FUCA2: variants seen among roughly 807,000 people sequenced by gnomAD.
The protein encoded by FUCA2 is alpha-L-fucosidase 2, also known as plasma alpha-L-fucosidase.
Under a neutral mutation model 52.6 loss-of-function variants are expected in FUCA2, and 41 were observed. The observed-to-expected ratio is 0.78, with a 90% CI of 0.61 to 1.01. The LOEUF (loss-of-function observed/expected upper bound fraction) is 1.01, where lower values mean the gene tolerates loss of function less well. Ranked by LOEUF, FUCA2 falls within the 50% of genes least tolerant of loss-of-function variation. The pLI is 0.00. For synonymous variants in FUCA2, 211 were observed against 217.3 expected (o/e 0.97, Z 0.26); for missense variants, 507 against 569.5 (o/e 0.89, Z 1.12).
At position 143,502,374 on chromosome 6, in the gene FUCA2, G is replaced by T; in HGVS notation, c.944C>A (p.Thr315Lys). 6.2e-7 allele frequency: 1 copy of T among 1,613,896 alleles called. No homozygotes were observed. Among genetic ancestry groups the T allele is most frequent in the East Asian group, 2.2e-5 (1 of 44,880 alleles). ...CTGTACCTTCACCAATTCTTCAATT[G>T]TAAGATAGTCAGAGATTCCAGCTTC... ...RREAGISDYLTIEELVKQLVE... is the reference protein window; with the variant it reads ...RREAGISDYLKIEELVKQLVE... The change falls in exon 4 of 7, where the codon ACA (threonine) becomes AAA (lysine). Residue 315 changes from threonine to lysine, a missense_variant. Transcript: ENST00000002165. The surrounding 1 kb of genome is among the most constrained non-coding windows in gnomAD (Gnocchi z 4.1).
rs781300494 is a variant in FUCA2, at chr6:143,504,261, T to C, written c.413-9A>G. ...CCCCCACAAGGTAAAGCCTAGAAAA[T>C]TATAGTGAAAACCCTTGTAAGCATG... On this transcript the variant is annotated splice_polypyrimidine_tract_variant and intron_variant, in intron 2 of 6. Transcript: ENST00000002165. The surrounding 1 kb of genome is among the most constrained non-coding windows in gnomAD (Gnocchi z 4.4). 1 of 1,599,630 alleles carries C rather than the reference T, an allele frequency of 6.3e-7. No homozygotes were observed. Among genetic ancestry groups the C allele is most frequent in the Non-Finnish European group, 8.5e-7 (1 of 1,174,042 alleles).
rs1195882933 is a variant in FUCA2 at position 143,502,423 on chromosome 6, T to G, written c.895A>C (p.Lys299Gln). The change falls in exon 4 of 7, where the codon AAA becomes CAA. Residue 299 changes from lysine to glutamine, a missense_variant. Coordinates refer to ENST00000002165, the MANE Select transcript of FUCA2 (RefSeq NM_032020.5). This position sits in a 1 kb window ranked among gnomAD's most constrained non-coding sequence, Gnocchi z 4.1. ...TCCCTCCTATAGCCCCAGGACAGTT[T>G]GTCTATTGTCATGCAGTTTTCCCAT... is the stretch of plus-strand genomic sequence containing the variant. ...HKWENCMTID[K>Q]LSWGYRREAG... The G allele has an allele frequency of 6.2e-7, 1 of 1,614,092 alleles. No individual in the cohort carries two copies. Among genetic ancestry groups the G allele is most frequent in the Middle Eastern group, 1.7e-4 (1 of 6,060 alleles).
chr6:143,502,269 G>A lies in FUCA2; in HGVS notation c.963+86C>T. 1 of 1,406,966 alleles carries A rather than the reference G, an allele frequency of 7.1e-7. No homozygotes were observed. Among genetic ancestry groups the A allele is most frequent in the Non-Finnish European group, 9.8e-7 (1 of 1,017,382 alleles). 87.2% of individuals were successfully genotyped at this position (1,406,966 alleles called of 1,614,324 possible). The stretch of plus-strand genomic sequence containing the variant: ...GATAGAACAATGTCCTATATTTATA[G>A]GCCATTGAGCCATAGAAGAAATAAT... On this transcript the variant is annotated intron_variant, in intron 4 of 6. Transcript: ENST00000002165. This position sits in a 1 kb window ranked among gnomAD's most constrained non-coding sequence, Gnocchi z 4.1.
chr6:143,504,162 G>T lies in FUCA2; in HGVS notation c.503C>A (p.Ala168Asp), dbSNP rs1435031868. Residue 168 changes from alanine (A) to aspartate (D), a missense_variant, in exon 3 of 7, where the codon GCC becomes GAC. Ala to Asp is a moderately radical substitution (Grantham distance 126). Coordinates refer to ENST00000002165, the MANE Select transcript of FUCA2 (RefSeq NM_032020.5). The surrounding 1 kb of genome is among the most constrained non-coding windows in gnomAD (Gnocchi z 4.4). ...ACGCAGGTCAGTTCTGTTCCTAATGGCTACCTCAAGTTCCTTGACAATGTC... is the reference window on the plus strand; with the variant it reads ...ACGCAGGTCAGTTCTGTTCCTAATGTCTACCTCAAGTTCCTTGACAATGTC... ...KRDIVKELEV[A>D]IRNRTDLRFG... 2 of 1,614,014 alleles carry T rather than the reference G, an allele frequency of 1.2e-6. No homozygotes were observed. Among genetic ancestry groups the T allele is most frequent in the Non-Finnish European group, 1.7e-6 (2 of 1,180,012 alleles).
rs1035525458 is a variant in FUCA2 at position 143,501,593 on chromosome 6, G to A, written c.1154+339C>T. ...TGCAAAAGTCAGAATTTACCGAACT[G>A]GTTAAACAGTAATCTCCGTTTTAGA... On this transcript the variant is annotated intron_variant, in intron 5 of 6. Coordinates refer to ENST00000002165, the MANE Select transcript of FUCA2 (RefSeq NM_032020.5). The surrounding 1 kb of genome is among the most constrained non-coding windows in gnomAD (Gnocchi z 6.1). 2.6e-5 allele frequency among the ~76,000 whole-genome samples: 4 copies of A among 152,082 alleles called. No homozygotes were observed. Among genetic ancestry groups the A allele is most frequent in the African/African-American group, 9.7e-5 (4 of 41,380 alleles).
chr6:143,504,051 G>T lies in FUCA2; in HGVS notation c.614C>A (p.Pro205Gln). ...GAGCTCTGGCAATGTCTTAGAAACT[G>T]GAAATTGCCGCTTATGGAATGAACT... ...ESSSFHKRQF[P>Q]VSKTLPELYE... The change falls in exon 3 of 7, where the codon CCA becomes CAA. Residue 205 changes from proline to glutamine, a missense_variant. Coordinates refer to ENST00000002165, the MANE Select transcript of FUCA2 (RefSeq NM_032020.5). The surrounding 1 kb of genome is among the most constrained non-coding windows in gnomAD (Gnocchi z 4.4). 1 of 1,614,106 alleles carries T rather than the reference G, an allele frequency of 6.2e-7. No individual in the cohort carries two copies.
chr6:143,504,294 T>C lies in FUCA2; in HGVS notation c.413-42A>G. 2.6e-6 allele frequency: 4 copies of C among 1,525,558 alleles called. No individual in the cohort carries two copies. Among genetic ancestry groups the C allele is most frequent in the Non-Finnish European group, 3.6e-6 (4 of 1,124,574 alleles). The allele number at this position is 1,525,558 out of a possible 1,614,324, so 94.5% of individuals were successfully genotyped here. A position where few individuals can be genotyped will look rare whatever the true frequency, so the allele number is the denominator to read the frequency against. Reference sequence around the variant, plus strand: ...AAAACCCTTGTAAGCATGTCAACTTTATTTTAGTAAATTTCAACCCACACA... The same window carrying C: ...AAAACCCTTGTAAGCATGTCAACTTCATTTTAGTAAATTTCAACCCACACA... On this transcript the variant is annotated intron_variant, in intron 2 of 6. Transcript: ENST00000002165. The surrounding 1 kb of genome is among the most constrained non-coding windows in gnomAD (Gnocchi z 4.4).
At position 143,507,510 on chromosome 6, in the gene FUCA2, CT is replaced by C. The variant is rs1378996986; in HGVS notation, c.225-87del. 2 of 950,638 alleles carry C rather than the reference CT, an allele frequency of 2.1e-6. No homozygotes were observed. The highest frequency in any genetic ancestry group is 5.7e-5 in the Admixed American group (2 of 34,832). 58.9% of individuals were successfully genotyped at this position (950,638 alleles called of 1,614,324 possible). A position where few individuals can be genotyped will look rare whatever the true frequency, so the allele number is the denominator to read the frequency against. ...CTCCAGCTCCCCTTACCATTTACCC[CT>C]CACACAGATAGGACCCAGATTCTCT... is the stretch of plus-strand genomic sequence containing the variant. On this transcript the variant is annotated intron_variant, in intron 1 of 6. Transcript: ENST00000002165. The surrounding 1 kb of genome is among the most constrained non-coding windows in gnomAD (Gnocchi z 4.5).
chr6:143,510,014 A>C lies in FUCA2; in HGVS notation c.224+1397T>G, dbSNP rs1780661426. ...AAGATGAAATTCCAGTATGAAAGGCACTCTGTACTAGAAGGAAAGGCAACA... is the reference window on the plus strand; with the variant it reads ...AAGATGAAATTCCAGTATGAAAGGCCCTCTGTACTAGAAGGAAAGGCAACA... On this transcript the variant is annotated intron_variant, in intron 1 of 6. Coordinates refer to ENST00000002165, the MANE Select transcript of FUCA2 (RefSeq NM_032020.5). The surrounding 1 kb of genome is among the most constrained non-coding windows in gnomAD (Gnocchi z 4.4). Among the ~76,000 whole-genome samples the C allele has an allele frequency of 1.3e-5, 2 of 152,198 alleles. No homozygotes were observed. The highest frequency in any genetic ancestry group is 4.1e-4 in the South Asian group (2 of 4,838).
In FUCA2 at chr6:143,510,801, C is replaced by G. The variant is rs944026205; in HGVS notation, c.224+610G>C. On this transcript the variant is annotated intron_variant, in intron 1 of 6. Transcript: ENST00000002165. The surrounding 1 kb of genome is among the most constrained non-coding windows in gnomAD (Gnocchi z 4.4). ...TTTCACATAGATCTCAAGGTAAAAT[C>G]TAACGCACAGATTTTTGTGTAGCAC... is the stretch of plus-strand genomic sequence containing the variant. Among the ~76,000 whole-genome samples, 10 of 152,114 alleles carry G rather than the reference C, an allele frequency of 6.6e-5. No individual in the cohort carries two copies. The highest frequency in any genetic ancestry group is 2.2e-4 in the African/African-American group (9 of 41,414).
At position 143,504,004 on chromosome 6, in the gene FUCA2, G is replaced by A. The variant is rs758119266; in HGVS notation, c.661C>T (p.Gln221Ter). 11 of 1,614,170 alleles carry A rather than the reference G, an allele frequency of 6.8e-6. No homozygotes were observed. Among genetic ancestry groups the A allele is most frequent in the Non-Finnish European group, 7.6e-6 (9 of 1,180,014 alleles). Reference sequence around the variant, plus strand: ...CCATCCGACCACAGAACCTCAGGCTGATAGTTGTTCACTAACTCATAGAGC... The same window carrying A: ...CCATCCGACCACAGAACCTCAGGCTAATAGTTGTTCACTAACTCATAGAGC... ...PELYELVNNY[Q>*]PEVLWSDGDG... The change falls in exon 3 of 7, where the codon CAG (glutamine) becomes TAG (stop). Residue 221 changes from glutamine (Q) to a stop codon, truncating the protein, a stop_gained. Transcript: ENST00000002165. LOFTEE classifies it high-confidence loss of function. This position sits in a 1 kb window ranked among gnomAD's most constrained non-coding sequence, Gnocchi z 4.4.
Position 143,500,757 on chromosome 6 carries a change from G to T in FUCA2, c.1154+1175C>A, listed in dbSNP as rs1418231751. On this transcript the variant is annotated intron_variant, in intron 5 of 6. Coordinates refer to ENST00000002165, the MANE Select transcript of FUCA2 (RefSeq NM_032020.5). This position sits in a 1 kb window ranked among gnomAD's most constrained non-coding sequence, Gnocchi z 6.9. ...TGTGAATAAAAATTTAAATCTCTAAGAATTATGTGAAGAGTAGTTCTGGGG... is the reference window on the plus strand; with the variant it reads ...TGTGAATAAAAATTTAAATCTCTAATAATTATGTGAAGAGTAGTTCTGGGG... Among the ~76,000 whole-genome samples, 1 of 152,174 alleles carries T rather than the reference G, an allele frequency of 6.6e-6. No homozygotes were observed. Among genetic ancestry groups the T allele is most frequent in the East Asian group, 1.9e-4 (1 of 5,192 alleles).
chr6:143,507,471 A>G lies in FUCA2; in HGVS notation c.225-47T>C, dbSNP rs750511988. On this transcript the variant is annotated intron_variant, in intron 1 of 6. Transcript: ENST00000002165. This position sits in a 1 kb window ranked among gnomAD's most constrained non-coding sequence, Gnocchi z 4.5. The stretch of plus-strand genomic sequence containing the variant: ...GTGCATAAACAGCACATACACACAT[A>G]TTTAAAAGAACTGCTCCAGCTCCCC... 2.2e-5 allele frequency: 30 copies of G among 1,360,412 alleles called. No homozygotes were observed. The highest frequency in any genetic ancestry group is 2.8e-5 in the Non-Finnish European group (28 of 1,008,742). The allele number at this position is 1,360,412 out of a possible 1,614,324, so 84.3% of individuals were successfully genotyped here.
In FUCA2 at chr6:143,501,904, AG is replaced by A; in HGVS notation, c.1154+27del. The A allele has an allele frequency of 6.4e-7, 1 of 1,571,070 alleles. No individual in the cohort carries two copies. The highest frequency in any genetic ancestry group is 1.2e-5 in the South Asian group (1 of 85,984). On this transcript the variant is annotated intron_variant, in intron 5 of 6. Coordinates refer to ENST00000002165, the MANE Select transcript of FUCA2 (RefSeq NM_032020.5). This position sits in a 1 kb window ranked among gnomAD's most constrained non-coding sequence, Gnocchi z 6.1. ...AATTTTAAATCTCTTCCTTTATAAA[AG>A]AGTACTTGGTAACAAGAATGACTTA... is the stretch of plus-strand genomic sequence containing the variant.
intron 5 of FUCA2, among the ~76,000 whole-genome samples, chr6:143,498,009 C>T (rs1401495075): frequency 6.6e-6 from 1 of 152,048 alleles, no homozygotes; most frequent in Non-Finnish European, 1.5e-5. Flanking sequence ...AGTGTGAGTT[C>T]TGATAAGCAC....
Position 143,511,330 on chromosome 6 carries a change from A to C in FUCA2, c.224+81T>G. 7.3e-7 allele frequency: 1 copy of C among 1,362,316 alleles called. No individual in the cohort carries two copies. Among genetic ancestry groups the C allele is most frequent in the Non-Finnish European group, 1.0e-6 (1 of 1,001,760 alleles). 84.4% of individuals were successfully genotyped at this position (1,362,316 alleles called of 1,614,324 possible). ...AGGGTGCAGGCAGCACCAGGCGGCG[A>C]ACCAGGCCCGCTGGGTGGTGGCTGG... On this transcript the variant is annotated intron_variant, in intron 1 of 6. Coordinates refer to ENST00000002165, the MANE Select transcript of FUCA2 (RefSeq NM_032020.5). The surrounding 1 kb of genome is among the most constrained non-coding windows in gnomAD (Gnocchi z 6.3).
chr6:143,502,684 C>T lies in FUCA2; in HGVS notation c.753-119G>A. The T allele has an allele frequency of 1.2e-6, 1 of 829,592 alleles. No homozygotes were observed. Among genetic ancestry groups the T allele is most frequent in the African/African-American group, 1.7e-5 (1 of 58,080 alleles). 51.4% of individuals were successfully genotyped at this position (829,592 alleles called of 1,614,324 possible). ...TCTGAAAAGGGACCATGGCATAGTA[C>T]AGTGGAAAGCCCATGGTTTTGAAGT... On this transcript the variant is annotated intron_variant, in intron 3 of 6. Transcript: ENST00000002165. This position sits in a 1 kb window ranked among gnomAD's most constrained non-coding sequence, Gnocchi z 4.1.
At position 143,503,984 on chromosome 6, in the gene FUCA2, C is replaced by T. The variant is rs761590764; in HGVS notation, c.681G>A (p.Ser227=). 22 of 1,614,010 alleles carry T rather than the reference C, an allele frequency of 1.4e-5. No individual in the cohort carries two copies. Among genetic ancestry groups the T allele is most frequent in the South Asian group, 1.2e-4 (11 of 91,078 alleles). The part of the protein sequence containing the change: ...VNNYQPEVLW[S]DGDGGAPDQY... ...GATCCGGTGCTCCTCCGTCACCATC[C>T]GACCACAGAACCTCAGGCTGATAGT... Residue 227 remains serine, a synonymous_variant, in exon 3 of 7, where the codon TCG becomes TCA. Transcript: ENST00000002165. This position sits in a 1 kb window ranked among gnomAD's most constrained non-coding sequence, Gnocchi z 4.8.
intron 5 of FUCA2, among the ~76,000 whole-genome samples, chr6:143,498,414 C>A (rs1780491020): frequency 6.6e-6 from 1 of 152,082 alleles, no homozygotes; most frequent in African/African-American, 2.4e-5. Flanking sequence ...AAAGGAGGGG[C>A]CTGGGAGTGT....
Sources: gnomAD v4.1 joint callset for allele counts (sites outside exome capture counted in the v4.1 genomes callset) on GRCh38, gnomAD v4.1.1 for gene constraint, Gnocchi (gnomAD v3.1) non-coding constraint, MANE v1.5 for transcripts, NCBI Gene and HGNC (gene_info 2026-07-23, HGNC 2026-07-21) for gene names.